Variants in DGKB observed in about 807,000 individuals in gnomAD.
DGKB encodes the protein diacylglycerol kinase beta.
DGKB carries 67 observed loss-of-function variants against 114.3 expected under a neutral mutation model. The observed-to-expected ratio is 0.59, with a 90% confidence interval of 0.48 to 0.72. The LOEUF (loss-of-function observed/expected upper bound fraction) is 0.72, where lower values mean the gene tolerates loss of function less well. Ranked by LOEUF, DGKB falls within the 30% of genes least tolerant of loss-of-function variation. The pLI is 0.00. For synonymous variants in DGKB, 398 were observed against 323.1 expected (o/e 1.23, Z -2.49); for missense variants, 907 against 975.2 (o/e 0.93, Z 0.93).
chr7:14,820,922 A>T (rs1309706564), intron 2 of DGKB, among the ~76,000 whole-genome samples: 1 of 152,190 alleles, frequency 6.6e-6, no homozygotes, highest in African/African-American at 2.4e-5. Context: ...CAAATTTCAT[A>T]GTTATTATCT....
At chr7:14,371,604 T>A (rs1275010293) in intron 21 of DGKB, among the ~76,000 whole-genome samples, 1 of 152,182 alleles carries the variant, frequency 6.6e-6, no homozygotes, top group African/African-American at 2.4e-5. Context: ...TTTTCTCCCA[T>A]CCTGTATGTT....
At chr7:14,858,367 A>G (rs1415895023) in intron 1 of DGKB, among the ~76,000 whole-genome samples, 1 of 152,218 alleles carries the variant, frequency 6.6e-6, no homozygotes, top group Non-Finnish European at 1.5e-5. Context: ...AAGAAAAATT[A>G]TGAACATACT....
chr7:14,172,318 G>A (rs1781121238), intron 25 of DGKB, among the ~76,000 whole-genome samples: 1 of 152,174 alleles, frequency 6.6e-6, no homozygotes, highest in Admixed American at 6.5e-5. Context: ...TGACTATTCT[G>A]ATAGAAATGT....
intron 23 of DGKB, among the ~76,000 whole-genome samples, chr7:14,263,837 A>G (rs1156340675): frequency 6.6e-6 from 1 of 152,184 alleles, no homozygotes; most frequent in East Asian, 1.9e-4. Context: ...CCTTTATGTT[A>G]TATGCCACTT....
chr7:14,666,406 G>A (rs1818030659), intron 13 of DGKB, among the ~76,000 whole-genome samples: 1 of 151,904 alleles, frequency 6.6e-6, no homozygotes, highest in Admixed American at 6.6e-5. Context: ...AAGAGTGAGT[G>A]GCTTGCATAT....
chr7:14,178,276 A>T, intron 23 of DGKB, 125 bp from the exon 24 acceptor site: 1 of 1,010,144 alleles, frequency 9.9e-7, no homozygotes, highest in Non-Finnish European at 1.4e-6. Flanking sequence ...TGTCTTAGAA[A>T]CTTAAAGTAA....
intron 2 of DGKB, among the ~76,000 whole-genome samples, chr7:14,780,972 G>T (rs1311737419): frequency 1.3e-5 from 2 of 152,096 alleles, no homozygotes; most frequent in South Asian, 4.2e-4. Context: ...TGTTTGTTCA[G>T]ATTCATTTGT....
At chr7:14,316,367 C>G (rs1806518020) in intron 23 of DGKB, among the ~76,000 whole-genome samples, 1 of 130,878 alleles carries the variant, frequency 7.6e-6, no homozygotes, top group African/African-American at 3.0e-5. Flanking sequence ...AAAGGATCAA[C>G]AAAATTGATA....
At position 14,147,665 on chromosome 7, in the gene DGKB, A is replaced by G. The variant is rs953283597; in HGVS notation, c.*1466T>C. Reference sequence around the variant, plus strand: ...CAGAGTGGAGAGAAACTAATAAATCATGCAGTTCAGGCACTCGTTTTCCTT... The same window carrying G: ...CAGAGTGGAGAGAAACTAATAAATCGTGCAGTTCAGGCACTCGTTTTCCTT... On this transcript the variant is annotated 3_prime_UTR_variant, in exon 26 of 26. Transcript: ENST00000402815. 3.9e-5 allele frequency: 6 copies of G among 152,592 alleles called. No homozygotes were observed. The highest frequency in any genetic ancestry group is 1.3e-4 in the Admixed American group (2 of 15,266). 9.5% of individuals were successfully genotyped at this position (152,592 alleles called of 1,614,324 possible).
chr7:14,348,395 A>G (rs566729014), intron 21 of DGKB, among the ~76,000 whole-genome samples: 2 of 152,182 alleles, frequency 1.3e-5, no homozygotes, highest in African/African-American at 4.8e-5. Context: ...TAGAATATAT[A>G]AAGAACTCTG....
chr7:14,599,900 G>A (rs560904529), intron 17 of DGKB, among the ~76,000 whole-genome samples: 3 of 152,098 alleles, frequency 2.0e-5, no homozygotes, highest in Admixed American at 1.3e-4. Context: ...CAGTAAATGG[G>A]AGGATATTTA....
intron 1 of DGKB, among the ~76,000 whole-genome samples, chr7:14,964,134 TAAG>T (rs3038295): frequency 0.13 from 19,975 of 152,020 alleles, 2,017 homozygotes; most frequent in East Asian, 0.57. Context: ...GAGTTATGAG[TAAG>T]AAGAAGGAAT....
At chr7:14,325,080 A>G (rs936321886) in intron 23 of DGKB, among the ~76,000 whole-genome samples, 1 of 152,156 alleles carries the variant, frequency 6.6e-6, no homozygotes, top group Non-Finnish European at 1.5e-5. Context: ...TTTTCACCCC[A>G]GCAGGCAGCA....
rs187597499 is a variant in DGKB at position 14,868,555 on chromosome 7, C to T, written c.-187-27105G>A. ...TTCACCATGTTGGCTAGGCTGGTCT[C>T]GAACTCCTAACCTCGGACTTCACAG... On this transcript the variant is annotated intron_variant, in intron 1 of 25. Transcript: ENST00000402815. 3.3e-5 allele frequency among the ~76,000 whole-genome samples: 5 copies of T among 151,948 alleles called. No homozygotes were observed. In the East Asian group the frequency reaches 7.8e-4, roughly 24 times the overall value.
intron 1 of DGKB, among the ~76,000 whole-genome samples, chr7:14,924,367 T>C (rs1210967560): frequency 6.6e-6 from 1 of 152,178 alleles, no homozygotes; most frequent in Non-Finnish European, 1.5e-5. Context: ...CACTATGAAA[T>C]TGGTTTCTCT....
chr7:14,349,636 TTA>T (rs1025683687), intron 21 of DGKB, among the ~76,000 whole-genome samples: 1 of 152,174 alleles, frequency 6.6e-6, no homozygotes, highest in Non-Finnish European at 1.5e-5. Context: ...TACAACCATT[TTA>T]TGTTTCACTT....
intron 2 of DGKB, among the ~76,000 whole-genome samples, chr7:14,801,925 T>TACACAC (rs142456381): frequency 0.093 from 13,773 of 147,966 alleles, 1,127 homozygotes; most frequent in East Asian, 0.24. Context: ...TATATACATA[T>TACACAC]ACACACACAC....
intron 25 of DGKB, among the ~76,000 whole-genome samples, chr7:14,160,177 G>C (rs1333145500): frequency 6.6e-6 from 1 of 152,066 alleles, no homozygotes; most frequent in Non-Finnish European, 1.5e-5. Flanking sequence ...CATACTGAAT[G>C]GGCAAAAGCT....
rs1160810566 is a variant in DGKB at position 14,277,671 on chromosome 7, C to A, written c.2122+60844G>T. 5.3e-5 allele frequency among the ~76,000 whole-genome samples: 8 copies of A among 152,170 alleles called. No individual in the cohort carries two copies. In the East Asian group the frequency reaches 1.2e-3, roughly 22 times the overall value. On this transcript the variant is annotated intron_variant, in intron 23 of 25. Coordinates refer to ENST00000402815, the MANE Select transcript of DGKB (RefSeq NM_001350709.2). Reference sequence around the variant, plus strand: ...TTTCTTTATCCATTCATCTGTTGAACATTTAGGCTGATTCCATATCTTAAC... The same window carrying A: ...TTTCTTTATCCATTCATCTGTTGAAAATTTAGGCTGATTCCATATCTTAAC...
Sources: gnomAD v4.1 joint callset for allele counts (sites outside exome capture counted in the v4.1 genomes callset) on GRCh38, gnomAD v4.1.1 for gene constraint, MANE v1.5 for transcripts, NCBI Gene and HGNC (gene_info 2026-07-23, HGNC 2026-07-21) for gene names.